OR6N1: variants seen among roughly 807,000 people sequenced by gnomAD.
The protein encoded by OR6N1 is olfactory receptor 6N1.
For synonymous variants in OR6N1, 170 were observed against 150.7 expected (o/e 1.13, Z -0.94); for missense variants, 394 against 371.7 (o/e 1.06, Z -0.49).
chr1:158,779,377 C>T, the OR6N1 span, among the ~76,000 whole-genome samples: 1 of 152,150 alleles, frequency 6.6e-6, no homozygotes, highest in Non-Finnish European at 1.5e-5. Context: ...TCCTGACACT[C>T]GTCACAATGG....
the OR6N1 span, among the ~76,000 whole-genome samples, chr1:158,803,648 G>C: frequency 6.6e-6 from 1 of 152,286 alleles, no homozygotes; most frequent in African/African-American, 2.4e-5. Context: ...TTGTCTAACT[G>C]TATACCTGTA....
At chr1:158,791,439 T>C in the OR6N1 span, among the ~76,000 whole-genome samples, 18 of 151,974 alleles carry the variant, frequency 1.2e-4, no homozygotes, top group African/African-American at 3.9e-4. Context: ...CATTTTGCTG[T>C]GATCTGAGGA....
At chr1:158,804,285 T>A in the OR6N1 span, among the ~76,000 whole-genome samples, 2 of 152,214 alleles carry the variant, frequency 1.3e-5, no homozygotes, top group Non-Finnish European at 2.9e-5. Flanking sequence ...TACTTTTTTG[T>A]TCTGGTTGGC....
chr1:158,775,631 GC>G (rs1340012995), upstream of OR6N1: 3 of 152,172 alleles, frequency 2.0e-5, no homozygotes, highest in Non-Finnish European at 4.4e-5. Context: ...GGAGAAAGGA[GC>G]ATGGGTAGAA....
the OR6N1 span, among the ~76,000 whole-genome samples, chr1:158,801,001 T>C: frequency 2.0e-5 from 3 of 152,214 alleles, no homozygotes; most frequent in Non-Finnish European, 2.9e-5. Context: ...AATACACTTC[T>C]ACACTTCCAT....
chr1:158,766,388 G>T lies in OR6N1; in HGVS notation c.295C>A (p.Leu99Met). Reference sequence around the variant, plus strand: ...AGGGAGTGAAAGAAATAGATCTGCAGGAGACACCCAGAGAATGAAATGGTC... The same window carrying T: ...AGGGAGTGAAAGAAATAGATCTGCATGAGACACCCAGAGAATGAAATGGTC... Reference protein sequence around the residue: ...KKTISFSGCLLQIYFFHSLGA... With the variant: ...KKTISFSGCLMQIYFFHSLGA... The change falls in exon 2 of 2, where the codon CTG becomes ATG. Residue 99 changes from leucine (L) to methionine (M), a missense_variant. Physicochemically the swap from Leu to Met is conservative, Grantham distance 15 (BLOSUM62 2). Coordinates refer to ENST00000641846, the MANE Select transcript of OR6N1 (RefSeq NM_001005185.2). 6.2e-7 allele frequency: 1 copy of T among 1,614,164 alleles called. No individual in the cohort carries two copies. Among genetic ancestry groups the T allele is most frequent in the Non-Finnish European group, 8.5e-7 (1 of 1,180,030 alleles).
chr1:158,805,600 G>A, the OR6N1 span, among the ~76,000 whole-genome samples: 1 of 152,056 alleles, frequency 6.6e-6, no homozygotes, highest in African/African-American at 2.4e-5. Context: ...CTGTTGAGAA[G>A]CTCTGCGCTA....
At chr1:158,769,763 T>A (rs1657369150) in intron 1 of OR6N1, among the ~76,000 whole-genome samples, 1 of 152,216 alleles carries the variant, frequency 6.6e-6, no homozygotes, top group South Asian at 2.1e-4. Context: ...ATATAGGATG[T>A]TTCTCTACTT....
the OR6N1 span, among the ~76,000 whole-genome samples, chr1:158,815,379 C>A: frequency 6.6e-6 from 1 of 152,076 alleles, no homozygotes; most frequent in Admixed American, 6.5e-5. Context: ...CAAGCAATTG[C>A]CAGTGATTTT....
At chr1:158,814,776 A>C in the OR6N1 span, among the ~76,000 whole-genome samples, 1 of 152,166 alleles carries the variant, frequency 6.6e-6, no homozygotes, top group Admixed American at 6.5e-5. Flanking sequence ...TAGGAACATA[A>C]ATATTTACTC....
At chr1:158,828,829 G>T in the OR6N1 span, among the ~76,000 whole-genome samples, 1 of 152,200 alleles carries the variant, frequency 6.6e-6, no homozygotes, top group Non-Finnish European at 1.5e-5. Flanking sequence ...TTCTGCCTGG[G>T]CATCCAGTAG....
At chr1:158,783,756 T>C in the OR6N1 span, among the ~76,000 whole-genome samples, 1 of 152,210 alleles carries the variant, frequency 6.6e-6, no homozygotes, top group Non-Finnish European at 1.5e-5. Context: ...TCAATTCCTA[T>C]TATTTTCTTT....
At chr1:158,838,134 A>G in the OR6N1 span, among the ~76,000 whole-genome samples, 4 of 152,006 alleles carry the variant, frequency 2.6e-5, no homozygotes, top group Non-Finnish European at 5.9e-5. Context: ...TCAAAATAGC[A>G]AAAGTCATGT....
chr1:158,805,837 G>C, the OR6N1 span, among the ~76,000 whole-genome samples: 1 of 152,034 alleles, frequency 6.6e-6, no homozygotes, highest in African/African-American at 2.4e-5. Flanking sequence ...AATATGAGTG[G>C]ATACCATGCA....
In OR6N1 at chr1:158,766,352, C is replaced by G; in HGVS notation, c.331G>C (p.Glu111Gln). ...IYFFHSLGAT[E>Q]CYLLTAMAYD... is the part of the protein sequence containing the mutation. Reference sequence around the variant, plus strand: ...GCCATAGCTGTCAGGAGATAGCACTCAGTCGCTCCAAGGGAGTGAAAGAAA... The same window carrying G: ...GCCATAGCTGTCAGGAGATAGCACTGAGTCGCTCCAAGGGAGTGAAAGAAA... Residue 111 changes from glutamate to glutamine, a missense_variant, in exon 2 of 2, where the codon GAG becomes CAG. Coordinates refer to ENST00000641846, the MANE Select transcript of OR6N1 (RefSeq NM_001005185.2). 2 of 1,614,092 alleles carry G rather than the reference C, an allele frequency of 1.2e-6. No homozygotes were observed. The highest frequency in any genetic ancestry group is 1.7e-6 in the Non-Finnish European group (2 of 1,180,026).
the OR6N1 span, among the ~76,000 whole-genome samples, chr1:158,784,540 T>C: frequency 6.6e-6 from 1 of 152,324 alleles, no homozygotes; most frequent in East Asian, 1.9e-4. Flanking sequence ...TAACTGTAAC[T>C]TCATACCCTT....
At chr1:158,780,345 G>T in the OR6N1 span, among the ~76,000 whole-genome samples, 8 of 152,140 alleles carry the variant, frequency 5.3e-5, no homozygotes, top group Non-Finnish European at 4.4e-5. Flanking sequence ...GCACCCTAAA[G>T]GCCTCTGGAC....
the OR6N1 span, among the ~76,000 whole-genome samples, chr1:158,797,500 A>C: frequency 6.6e-6 from 1 of 152,158 alleles, no homozygotes; most frequent in Non-Finnish European, 1.5e-5. Flanking sequence ...TAATTTCTGC[A>C]CTGTATGTGT....
At chr1:158,815,780 T>G in the OR6N1 span, among the ~76,000 whole-genome samples, 1 of 152,198 alleles carries the variant, frequency 6.6e-6, no homozygotes, top group African/African-American at 2.4e-5. Flanking sequence ...GAGAAGATCT[T>G]ATTGGTGCCC....
Sources: allele counts gnomAD v4.1 joint callset (sites outside exome capture counted in the v4.1 genomes callset), GRCh38; gene constraint gnomAD v4.1.1; transcripts MANE v1.5; gene names NCBI Gene and HGNC (gene_info 2026-07-23, HGNC 2026-07-21).